The following NBEAL1 variants were observed in gnomAD, a reference collection of about 807,000 sequenced individuals.
The protein encoded by NBEAL1 is neurobeachin like 1, also known as neurobeachin-like protein 1.
Under a neutral mutation model 351.3 loss-of-function variants are expected in NBEAL1, and 273 were observed. The observed-to-expected ratio is 0.78, with a 90% CI of 0.70 to 0.86. The LOEUF (loss-of-function observed/expected upper bound fraction) is 0.86. Among genes scored for constraint, NBEAL1 ranks in the 40% least tolerant of loss-of-function variants. NBEAL1 has a pLI of 0.00. For missense variants in NBEAL1, 2,961 were observed against 3,201.3 expected, an observed-to-expected ratio of 0.92 and a Z score of 1.81; for synonymous variants, 1,050 against 1,086.4, an observed-to-expected ratio of 0.97 and a Z score of 0.66.
intron 10 of NBEAL1, among the ~76,000 whole-genome samples, chr2:203,088,490 A>C (rs1335233807): frequency 1.3e-5 from 2 of 152,210 alleles, no homozygotes; most frequent in Non-Finnish European, 1.5e-5. Context: ...GGGATCAGGG[A>C]AAGAACACAC....
chr2:203,157,617 A>C, intron 35 of NBEAL1, 82 bp from the exon 36 acceptor site: 1 of 1,023,302 alleles, frequency 9.8e-7, no homozygotes, highest in Non-Finnish European at 1.4e-6. Flanking sequence ...AGTCAGGAAC[A>C]CAATTAGCAG....
intron 36 of NBEAL1, among the ~76,000 whole-genome samples, chr2:203,158,660 AAT>A (rs2063860380): frequency 6.6e-6 from 1 of 152,108 alleles, no homozygotes; most frequent in African/African-American, 2.4e-5. Context: ...GAGGAAAACA[AAT>A]ATATGTTATT....
chr2:203,108,399 T>A (rs1485612120), intron 14 of NBEAL1, among the ~76,000 whole-genome samples: 3 of 150,436 alleles, frequency 2.0e-5, no homozygotes, highest in Non-Finnish European at 4.4e-5. Context: ...TGGTTAAGTT[T>A]TTTTTTTTTG....
chr2:203,061,046 G>A (rs753452850), intron 6 of NBEAL1, among the ~76,000 whole-genome samples: 5 of 152,092 alleles, frequency 3.3e-5, no homozygotes, highest in Non-Finnish European at 5.9e-5. Context: ...TGAAACTTAT[G>A]AACTAAAGAA....
At chr2:203,106,004 A>G (rs555177849) in intron 12 of NBEAL1, among the ~76,000 whole-genome samples, 211 of 152,332 alleles carry the variant, frequency 1.4e-3, no homozygotes, top group Middle Eastern at 3.4e-3. Flanking sequence ...ATTTGATACT[A>G]GTTTTTCCAG....
rs777363557 is a variant in NBEAL1 at position 203,131,949 on chromosome 2, G to T, written c.3565-24G>T. The T allele has an allele frequency of 2.0e-6, 3 of 1,471,992 alleles. No homozygotes were observed. In the South Asian group the frequency reaches 4.2e-5, roughly 21 times the overall value. 91.2% of individuals were successfully genotyped at this position (1,471,992 alleles called of 1,614,324 possible). Reference sequence around the variant, plus strand: ...AACTATTCTTAATTTTCTATATTGAGAATATATTACTTGTCGTGACCAGAT... The same window carrying T: ...AACTATTCTTAATTTTCTATATTGATAATATATTACTTGTCGTGACCAGAT... On this transcript the variant is annotated intron_variant, in intron 25 of 55. Coordinates refer to ENST00000683969, the MANE Select transcript of NBEAL1 (RefSeq NM_001378026.1).
intron 49 of NBEAL1, among the ~76,000 whole-genome samples, chr2:203,199,751 G>T (rs542650680): frequency 2.2e-4 from 33 of 151,876 alleles, no homozygotes; most frequent in Non-Finnish European, 4.4e-4. Flanking sequence ...CAAGTGCTGG[G>T]ATTATAGGCC....
intron 18 of NBEAL1, among the ~76,000 whole-genome samples, chr2:203,117,668 T>C (rs1574994652): frequency 6.6e-6 from 1 of 152,170 alleles, no homozygotes; most frequent in African/African-American, 2.4e-5. Context: ...AAAGGACTTT[T>C]TTCTACTCCA....
chr2:203,153,515 T>A (rs776896942), intron 35 of NBEAL1, among the ~76,000 whole-genome samples: 16 of 152,142 alleles, frequency 1.1e-4, no homozygotes, highest in Non-Finnish European at 2.1e-4. Flanking sequence ...TCAAGAGAGC[T>A]ATGATGCCTG....
chr2:203,168,161 T>G (rs1386612409), intron 38 of NBEAL1, among the ~76,000 whole-genome samples: 1 of 152,220 alleles, frequency 6.6e-6, no homozygotes, highest in South Asian at 2.1e-4. Flanking sequence ...AAGCATGTGT[T>G]TTATGGAAAG....
intron 38 of NBEAL1, among the ~76,000 whole-genome samples, chr2:203,168,536 T>TCC (rs2064210806): frequency 6.6e-6 from 1 of 152,126 alleles, no homozygotes; most frequent in African/African-American, 2.4e-5. Flanking sequence ...TGAGCCGAGA[T>TCC]CACGCTATTG....
intron 33 of NBEAL1, among the ~76,000 whole-genome samples, chr2:203,147,498 A>G (rs1394391191): frequency 3.9e-5 from 6 of 152,084 alleles, no homozygotes; most frequent in Non-Finnish European, 8.8e-5. Flanking sequence ...AAACTAAAAA[A>G]CACTTGAAAC....
rs560225108 is a variant in NBEAL1, at chr2:203,145,129, G to A, written c.5273G>A (p.Arg1758Gln). ...ALMVNMHKRD[R>Q]EGGESKLKFQ... is the part of the protein sequence containing the mutation. The stretch of plus-strand genomic sequence containing the variant: ...ATGGTAAATATGCATAAACGAGACC[G>A]GGAAGGAGGGGAAAGCAAGCTCAAA... The change falls in exon 33 of 56, where the codon CGG becomes CAG. Residue 1758 changes from arginine (R) to glutamine (Q), a missense_variant. Arg to Gln is a conservative substitution (Grantham distance 43). Coordinates refer to ENST00000683969, the MANE Select transcript of NBEAL1 (RefSeq NM_001378026.1). 26 of 1,603,252 alleles carry A rather than the reference G, an allele frequency of 1.6e-5. No individual in the cohort carries two copies. The highest frequency in any genetic ancestry group is 6.8e-5 in the South Asian group (6 of 87,878).
At chr2:203,039,515 T>C (rs2061102909) in intron 2 of NBEAL1, among the ~76,000 whole-genome samples, 1 of 143,718 alleles carries the variant, frequency 7.0e-6, no homozygotes, top group African/African-American at 2.5e-5. Flanking sequence ...GCAATTCTCA[T>C]GCCTCAGCCC....
rs1456310533 is a variant in NBEAL1, at chr2:203,107,682, G to C, written c.1443G>C (p.Gln481His). The C allele has an allele frequency of 6.4e-7, 1 of 1,553,016 alleles. No individual in the cohort carries two copies. Among genetic ancestry groups the C allele is most frequent in the East Asian group, 2.4e-5 (1 of 41,208 alleles). The change falls in exon 14 of 56, where the codon CAG becomes CAC. Residue 481 changes from glutamine (Q) to histidine (H), a missense_variant. Coordinates refer to ENST00000683969, the MANE Select transcript of NBEAL1 (RefSeq NM_001378026.1). ...TCCAACCTCTCTTGCTTCTTATCCA[G>C]TGGCTTCCAGAACTACAATCCCATG... ...SNVQPLLLLI[Q>H]WLPELQSHDL...
At chr2:203,052,148 A>G (rs1045456344) in intron 4 of NBEAL1, 1 of 152,164 alleles carries the variant, frequency 6.6e-6, no homozygotes, top group African/African-American at 2.4e-5. Context: ...ATCATATAGA[A>G]TAGTTTTCCT....
chr2:203,081,686 A>G (rs1029251581), intron 8 of NBEAL1, among the ~76,000 whole-genome samples: 4 of 152,214 alleles, frequency 2.6e-5, no homozygotes, highest in African/African-American at 9.6e-5. Context: ...TGTCATGCTT[A>G]CTATTCTATT....
chr2:203,022,691 T>G (rs2060791129), intron 2 of NBEAL1, among the ~76,000 whole-genome samples: 1 of 152,226 alleles, frequency 6.6e-6, no homozygotes, highest in Non-Finnish European at 1.5e-5. Context: ...GTATCAGGAT[T>G]ACTTCCATTT....
At chr2:203,217,185 T>C (rs2065905989) in intron 55 of NBEAL1, 68 bp from the exon 56 acceptor site, 1 of 1,172,900 alleles carries the variant, frequency 8.5e-7, no homozygotes, top group African/African-American at 1.6e-5. Flanking sequence ...AAAATCAGTG[T>C]CTTACATATC....
Sources: allele counts gnomAD v4.1 joint callset (sites outside exome capture counted in the v4.1 genomes callset), GRCh38; gene constraint gnomAD v4.1.1; transcripts MANE v1.5; gene names NCBI Gene and HGNC (gene_info 2026-07-23, HGNC 2026-07-21).